The following CTNNA3 variants were observed in gnomAD, a reference collection of about 807,000 sequenced individuals.
CTNNA3 encodes the protein catenin alpha-3.
A neutral mutation model predicts 95.7 loss-of-function variants in CTNNA3; 76 were observed. The observed-to-expected ratio is 0.79, with a 90% CI of 0.66 to 0.96. The LOEUF is 0.96. CTNNA3 is among the 40% of genes least tolerant of loss of function. The probability of loss-of-function intolerance (pLI) is 0.00; values close to 1 mark genes in which losing one functional copy is unlikely to be tolerated. For missense variants in CTNNA3, 1,191 were observed against 1,089.8 expected, an observed-to-expected ratio of 1.09 and a Z score of -1.31; for synonymous variants, 431 against 374.4, an observed-to-expected ratio of 1.15 and a Z score of -1.74.
chr10:67,374,656 A>C (rs928702992), intron 5 of CTNNA3, among the ~76,000 whole-genome samples: 1 of 152,114 alleles, frequency 6.6e-6, no homozygotes, highest in Admixed American at 6.5e-5. Flanking sequence ...TATGGAGTAC[A>C]TGAGATATTT....
At chr10:67,256,255 T>C (rs1866344979) in intron 5 of CTNNA3, among the ~76,000 whole-genome samples, 1 of 152,164 alleles carries the variant, frequency 6.6e-6, no homozygotes, top group South Asian at 2.1e-4. Flanking sequence ...ACTGCATTGA[T>C]TGTTCACCAA....
At position 66,775,655 on chromosome 10, in the gene CTNNA3, A is replaced by G. The variant is rs1483097563; in HGVS notation, c.1048-131T>C. ...AGGTTTCAAAACTGCTATATTATATATGATTCATGAGCATTTCACTTAAGA... is the reference window on the plus strand; with the variant it reads ...AGGTTTCAAAACTGCTATATTATATGTGATTCATGAGCATTTCACTTAAGA... On this transcript the variant is annotated intron_variant, in intron 7 of 17. Transcript: ENST00000433211. 1.8e-5 allele frequency: 11 copies of G among 621,970 alleles called. No individual in the cohort carries two copies. The East Asian group carries it at 3.0e-4, about 17-fold the overall frequency. 38.5% of individuals were successfully genotyped at this position (621,970 alleles called of 1,614,324 possible).
chr10:66,405,533 A>T (rs1392450814), intron 11 of CTNNA3, among the ~76,000 whole-genome samples: 5 of 152,124 alleles, frequency 3.3e-5, no homozygotes, highest in Non-Finnish European at 2.9e-5. Context: ...TGCCATTTGC[A>T]TTCATTTATA....
chr10:67,216,060 T>A (rs1473339831), intron 6 of CTNNA3, among the ~76,000 whole-genome samples: 1 of 152,216 alleles, frequency 6.6e-6, no homozygotes, highest in African/African-American at 2.4e-5. Context: ...AACCATTTTT[T>A]AAAATCATAT....
chr10:66,533,457 A>C (rs1474093451), intron 10 of CTNNA3, among the ~76,000 whole-genome samples: 1 of 152,116 alleles, frequency 6.6e-6, no homozygotes, highest in African/African-American at 2.4e-5. Context: ...AACTTTATCA[A>C]ATCCAGGTCA....
chr10:66,442,517 T>C (rs2093382386), intron 11 of CTNNA3, among the ~76,000 whole-genome samples: 2 of 152,150 alleles, frequency 1.3e-5, no homozygotes, highest in African/African-American at 4.8e-5. Flanking sequence ...TGTTAATAGA[T>C]TACAACATAA....
At chr10:66,754,969 C>A (rs1696503618) in intron 9 of CTNNA3, among the ~76,000 whole-genome samples, 1 of 151,694 alleles carries the variant, frequency 6.6e-6, no homozygotes, top group Non-Finnish European at 1.5e-5. Flanking sequence ...ACATATATAC[C>A]CAAGAGAAAT....
rs540496592 is a variant in CTNNA3, at chr10:67,037,330, T to G, written c.1047+142987A>C. 3.3e-5 allele frequency among the ~76,000 whole-genome samples: 5 copies of G among 151,430 alleles called. No individual in the cohort carries two copies. In the South Asian group the frequency reaches 1.0e-3, roughly 32 times the overall value. ...TACTCAGCAAAATCATATTCAGCAG[T>G]TACTATGTGGCAACACTATGTGGCA... On this transcript the variant is annotated intron_variant, in intron 7 of 17. Coordinates refer to ENST00000433211, the MANE Select transcript of CTNNA3 (RefSeq NM_013266.4).
chr10:66,321,184 T>C (rs1663094641), intron 12 of CTNNA3, among the ~76,000 whole-genome samples: 1 of 152,008 alleles, frequency 6.6e-6, no homozygotes. Flanking sequence ...TGTTGGACCA[T>C]CTTTGTTGAA....
chr10:66,410,884 G>A (rs533785233), intron 11 of CTNNA3, among the ~76,000 whole-genome samples: 11 of 152,228 alleles, frequency 7.2e-5, no homozygotes, highest in African/African-American at 2.6e-4. Flanking sequence ...TACACCATTA[G>A]CAAGCATTTA....
At chr10:67,554,669 G>C (rs908210664) in intron 3 of CTNNA3, among the ~76,000 whole-genome samples, 3 of 152,088 alleles carry the variant, frequency 2.0e-5, no homozygotes, top group African/African-American at 7.2e-5. Context: ...TTGTCAGATG[G>C]GTAGATTGCA....
intron 7 of CTNNA3, among the ~76,000 whole-genome samples, chr10:67,116,264 T>C (rs1859184070): frequency 6.6e-6 from 1 of 152,100 alleles, no homozygotes; most frequent in Non-Finnish European, 1.5e-5. Flanking sequence ...TTAAAATTCT[T>C]CTAAGGAGTG....
intron 5 of CTNNA3, among the ~76,000 whole-genome samples, chr10:67,409,291 T>A (rs1845275599): frequency 6.6e-6 from 1 of 152,122 alleles, no homozygotes; most frequent in East Asian, 1.9e-4. Flanking sequence ...CACACGTATG[T>A]TTATTGCGGC....
At chr10:67,115,797 GCT>G (rs1859151883) in intron 7 of CTNNA3, among the ~76,000 whole-genome samples, 2 of 151,774 alleles carry the variant, frequency 1.3e-5, no homozygotes, top group Admixed American at 1.3e-4. Flanking sequence ...GCAGAAAGGG[GCT>G]CTCTTTTAGG....
At chr10:66,095,920 T>C (rs2133711807) in intron 14 of CTNNA3, among the ~76,000 whole-genome samples, 1 of 152,170 alleles carries the variant, frequency 6.6e-6, no homozygotes, top group Non-Finnish European at 1.5e-5. Context: ...CTTAAGTGAA[T>C]ATAATGTTAA....
intron 7 of CTNNA3, among the ~76,000 whole-genome samples, chr10:66,805,850 G>C (rs184874542): frequency 1.4e-3 from 206 of 152,144 alleles, no homozygotes; most frequent in African/African-American, 4.5e-3. Flanking sequence ...GAGGCTGAGA[G>C]AATGAAATGT....
intron 3 of CTNNA3, among the ~76,000 whole-genome samples, chr10:67,603,970 T>A (rs188274625): frequency 1.3e-5 from 2 of 152,326 alleles, no homozygotes; most frequent in African/African-American, 4.8e-5. Context: ...TACCATTTTT[T>A]AATTTTTTAT....
intron 11 of CTNNA3, among the ~76,000 whole-genome samples, chr10:66,481,868 T>C (rs2131904219): frequency 6.6e-6 from 1 of 152,296 alleles, no homozygotes; most frequent in South Asian, 2.1e-4. Flanking sequence ...TTGGTCCATT[T>C]TGATTTTATC....
upstream of CTNNA3, among the ~76,000 whole-genome samples, chr10:67,699,726 C>T (rs928375409): frequency 1.3e-5 from 2 of 152,326 alleles, no homozygotes; most frequent in African/African-American, 4.8e-5. Context: ...GCATTTCCAT[C>T]TGAGGTACCA....
Sources: allele counts gnomAD v4.1 joint callset (sites outside exome capture counted in the v4.1 genomes callset), GRCh38; gene constraint gnomAD v4.1.1; transcripts MANE v1.5; gene names NCBI Gene and HGNC (gene_info 2026-07-23, HGNC 2026-07-21).